ALDH3A2: variants seen among roughly 807,000 people sequenced by gnomAD.
ALDH3A2 encodes the protein aldehyde dehydrogenase 3 family member A2.
ALDH3A2 carries 36 observed loss-of-function variants against 51.3 expected under a neutral mutation model. That is an observed-to-expected ratio of 0.70 (90% CI 0.54 to 0.93). ALDH3A2 has a LOEUF of 0.93. ALDH3A2 is among the 40% of genes least tolerant of loss of function. ALDH3A2 has a pLI of 0.00. For missense variants in ALDH3A2, 552 were observed against 603.1 expected, an observed-to-expected ratio of 0.92 and a Z score of 0.89; for synonymous variants, 199 against 219.8, an observed-to-expected ratio of 0.91 and a Z score of 0.84.
At chr17:19,652,225 T>C (rs1295634581) in intron 2 of ALDH3A2, among the ~76,000 whole-genome samples, 2 of 152,162 alleles carry the variant, frequency 1.3e-5, no homozygotes, top group Non-Finnish European at 2.9e-5. Context: ...GAGAGATGTA[T>C]GTTGAAATGG....
chr17:19,668,720 G>A (rs1323810349), intron 8 of ALDH3A2, among the ~76,000 whole-genome samples: 3 of 127,200 alleles, frequency 2.4e-5, no homozygotes, highest in Non-Finnish European at 3.4e-5. Flanking sequence ...GTGAAACCCC[G>A]TCTCTACTAA....
intron 7 of ALDH3A2, among the ~76,000 whole-genome samples, 161 bp downstream of exon 7, chr17:19,663,660 G>C (rs2084998490): frequency 6.6e-6 from 1 of 152,194 alleles, no homozygotes; most frequent in South Asian, 2.1e-4. Context: ...CGAGGTTGCT[G>C]TCTTGGTTAA....
intron 4 of ALDH3A2, among the ~76,000 whole-genome samples, chr17:19,656,783 T>C (rs925802437): frequency 6.6e-6 from 1 of 152,226 alleles, no homozygotes; most frequent in Admixed American, 6.5e-5. Context: ...CCTGACATCA[T>C]GTGGTTGTCC....
chr17:19,657,276 G>C (rs913936467), intron 4 of ALDH3A2, among the ~76,000 whole-genome samples: 7 of 152,250 alleles, frequency 4.6e-5, no homozygotes, highest in South Asian at 4.1e-4. Context: ...CTTCCCAAGT[G>C]GGGCAGGGCT....
At chr17:19,656,242 A>C (rs2084894290) in intron 3 of ALDH3A2, 124 bp from the exon 4 acceptor site, 1 of 893,256 alleles carries the variant, frequency 1.1e-6, no homozygotes, top group East Asian at 2.6e-5. Flanking sequence ...CATCCCTCAC[A>C]GGGACTGGTC....
chr17:19,653,831 C>T lies in ALDH3A2; in HGVS notation c.471+1199C>T, dbSNP rs546729243. Among the ~76,000 whole-genome samples, 73 of 152,318 alleles carry T rather than the reference C, an allele frequency of 4.8e-4. 1 individual carries two copies. The highest frequency in any genetic ancestry group is 3.4e-3 in the Middle Eastern group (1 of 294). The stretch of plus-strand genomic sequence containing the variant: ...TTTTATTCCCTTATCTGGCCCCACC[C>T]GCATCCTGCTGATTGGTCCATTTTA... On this transcript the variant is annotated intron_variant, in intron 3 of 9. Coordinates refer to ENST00000176643, the MANE Select transcript of ALDH3A2 (RefSeq NM_000382.3).
At chr17:19,650,570 C>T (rs554797886) in intron 1 of ALDH3A2, among the ~76,000 whole-genome samples, 86 of 152,276 alleles carry the variant, frequency 5.6e-4, no homozygotes, top group Non-Finnish European at 1.0e-3. Context: ...TCTCCTGCCT[C>T]AGCCTCCCAA....
intron 8 of ALDH3A2, among the ~76,000 whole-genome samples, chr17:19,665,411 T>TGTG (rs1567604529): frequency 2.0e-4 from 29 of 144,278 alleles, no homozygotes; most frequent in African/African-American, 7.7e-4. Context: ...GTGTGTGTGG[T>TGTG]GTGTGTGTTT....
rs540736712 is a variant in ALDH3A2 at position 19,648,937 on chromosome 17, C to T, written c.-35C>T. 15 of 1,559,654 alleles carry T rather than the reference C, an allele frequency of 9.6e-6. No individual in the cohort carries two copies. The African/African-American group carries it at 1.1e-4, about 11-fold the overall frequency. ...GCTTCCCGCCTCCCACTCCCCAGCGCCCCCGGACCGTGCAGTTCTCTGCAG... is the reference window on the plus strand; with the variant it reads ...GCTTCCCGCCTCCCACTCCCCAGCGTCCCCGGACCGTGCAGTTCTCTGCAG... On this transcript the variant is annotated 5_prime_UTR_variant, in exon 1 of 10. Transcript: ENST00000176643.
intron 5 of ALDH3A2, among the ~76,000 whole-genome samples, chr17:19,660,578 C>T (rs1023150592): frequency 2.6e-5 from 4 of 152,170 alleles, no homozygotes; most frequent in African/African-American, 4.8e-5. Context: ...TTTGATCCTT[C>T]GGGTGGTTTC....
chr17:19,650,151 A>T (rs2084795430), intron 1 of ALDH3A2, among the ~76,000 whole-genome samples: 1 of 152,044 alleles, frequency 6.6e-6, no homozygotes, highest in African/African-American at 2.4e-5. Context: ...GCCTCAAGTG[A>T]TCCGCCTGCC....
rs538428451 is a variant in ALDH3A2, at chr17:19,648,829, G to A, written c.-143G>A. ...GCGGCTGAGCGAGCGAGCCCTGGGC[G>A]AGTGAATTGTGGCTGTGGGTTGACG... On this transcript the variant is annotated 5_prime_UTR_variant, in exon 1 of 10. Transcript: ENST00000176643. 11 of 1,157,440 alleles carry A rather than the reference G, an allele frequency of 9.5e-6. No individual in the cohort carries two copies. The African/African-American group carries it at 1.2e-4, about 13-fold the overall frequency. The allele number at this position is 1,157,440 out of a possible 1,614,324, so 71.7% of individuals were successfully genotyped here.
At chr17:19,663,850 A>G (rs1428300497) in intron 7 of ALDH3A2, among the ~76,000 whole-genome samples, 1 of 152,264 alleles carries the variant, frequency 6.6e-6, no homozygotes, top group African/African-American at 2.4e-5. Flanking sequence ...GCTGAATAAC[A>G]GCCTGCACAA....
At chr17:19,656,190 G>A (rs879817270) in intron 3 of ALDH3A2, 176 bp from the exon 4 acceptor site, 26 of 680,932 alleles carry the variant, frequency 3.8e-5, no homozygotes, top group Non-Finnish European at 5.8e-5. Flanking sequence ...AGATGCCATC[G>A]GACTGTGTGT....
In ALDH3A2 at chr17:19,663,473, C is replaced by CT. The variant is rs1245575031; in HGVS notation, c.1084dup (p.Tyr362LeufsTer6). 1 of 1,613,944 alleles carries CT rather than the reference C, an allele frequency of 6.2e-7. No individual in the cohort carries two copies. Among genetic ancestry groups the CT allele is most frequent in the Non-Finnish European group, 8.5e-7 (1 of 1,180,020 alleles). On this transcript the variant is annotated frameshift_variant, in exon 7 of 10. Coordinates refer to ENST00000176643, the MANE Select transcript of ALDH3A2 (RefSeq NM_000382.3). LOFTEE classifies it high-confidence loss of function. ...AAATGAACGTGAAAAGCCTCTGGCT[C>CT]TTTATGTATTTTCGCATAACCATAA...
intron 8 of ALDH3A2, among the ~76,000 whole-genome samples, chr17:19,671,404 AGTGGG>A (rs2085110816): frequency 6.6e-6 from 1 of 152,230 alleles, no homozygotes; most frequent in Non-Finnish European, 1.5e-5. Context: ...TAATTCACCA[AGTGGG>A]ATTGTGGTGA....
At chr17:19,650,678 C>T (rs1403654116) in intron 1 of ALDH3A2, among the ~76,000 whole-genome samples, 1 of 152,100 alleles carries the variant, frequency 6.6e-6, no homozygotes, top group African/African-American at 2.4e-5. Context: ...TGGTCTCCAT[C>T]TCCTGACCTT....
intron 5 of ALDH3A2, 115 bp downstream of exon 5, chr17:19,657,977 T>C: frequency 2.5e-6 from 2 of 798,412 alleles, no homozygotes; most frequent in Admixed American, 2.0e-5. Flanking sequence ...CAAAATCATA[T>C]GTGACTCAGT....
Position 19,671,709 on chromosome 17 carries a change from C to T in ALDH3A2, c.1208-12C>T, listed in dbSNP as rs755190254. 113 of 1,608,458 alleles carry T rather than the reference C, an allele frequency of 7.0e-5. No homozygotes were observed. The highest frequency in any genetic ancestry group is 9.4e-5 in the Non-Finnish European group (110 of 1,174,866). Reference sequence around the variant, plus strand: ...ACAGTGAAGCTTGTTTTGTCTGTTCCCTTTATTTCAGGTTCCAGTGGGATG... The same window carrying T: ...ACAGTGAAGCTTGTTTTGTCTGTTCTCTTTATTTCAGGTTCCAGTGGGATG... On this transcript the variant is annotated splice_polypyrimidine_tract_variant and intron_variant, in intron 8 of 9. Transcript: ENST00000176643.
Sources: allele counts gnomAD v4.1 joint callset (sites outside exome capture counted in the v4.1 genomes callset), GRCh38; gene constraint gnomAD v4.1.1; transcripts MANE v1.5; gene names NCBI Gene and HGNC (gene_info 2026-07-23, HGNC 2026-07-21).